DLGAP2: variants seen among roughly 807,000 people sequenced by gnomAD.
DLGAP2 encodes DLG associated protein 2.
DLGAP2 carries 26 observed loss-of-function variants against 100.3 expected under a neutral mutation model. The ratio of observed to expected loss-of-function variants is 0.26; its 90% CI spans 0.19 to 0.36. DLGAP2 has a LOEUF of 0.36. Ranked by LOEUF, DLGAP2 falls within the 10% of genes least tolerant of loss-of-function variation. DLGAP2 has a pLI of 1.00. For synonymous variants in DLGAP2, 886 were observed against 630.1 expected, an observed-to-expected ratio of 1.41 and a Z score of -6.08; for missense variants, 1,858 against 1,453.2, an observed-to-expected ratio of 1.28 and a Z score of -4.53.
chr8:748,241 G>A (rs148324243), intron 1 of DLGAP2, among the ~76,000 whole-genome samples: 163 of 149,606 alleles, frequency 1.1e-3, no homozygotes, highest in Non-Finnish European at 1.8e-3. Flanking sequence ...GGGATGGGCG[G>A]GTCTGCGGTG....
intron 3 of DLGAP2, among the ~76,000 whole-genome samples, chr8:1,387,058 A>T (rs12680701): frequency 6.6e-6 from 1 of 152,034 alleles, no homozygotes; most frequent in Non-Finnish European, 1.5e-5. Context: ...AAAGAGGGGA[A>T]CTAGATAACG....
intron 3 of DLGAP2, among the ~76,000 whole-genome samples, chr8:1,268,117 A>C (rs1799505723): frequency 6.6e-6 from 1 of 152,192 alleles, no homozygotes; most frequent in African/African-American, 2.4e-5. Flanking sequence ...CTAGTTTGCA[A>C]ATTTCTTTCT....
At chr8:753,613 G>A (rs1820847941) in intron 1 of DLGAP2, 1 of 152,322 alleles carries the variant, frequency 6.6e-6, no homozygotes, top group African/African-American at 2.4e-5. Context: ...ACGGTGGATG[G>A]AGAGGGAGGA....
chr8:1,386,488 CTCCAGAA>C (rs1296282493), intron 3 of DLGAP2, among the ~76,000 whole-genome samples: 1 of 152,196 alleles, frequency 6.6e-6, no homozygotes, highest in Non-Finnish European at 1.5e-5. Context: ...GCAGAATTCC[CTCCAGAA>C]TCCTGGAGAA....
intron 4 of DLGAP2, among the ~76,000 whole-genome samples, chr8:1,537,263 G>A (rs1029753250): frequency 5.9e-5 from 9 of 152,184 alleles, no homozygotes; most frequent in South Asian, 2.1e-4. Flanking sequence ...GTTTGTGCAT[G>A]TGCATAATCA....
chr8:1,198,848 C>T (rs1182529391), intron 2 of DLGAP2, among the ~76,000 whole-genome samples: 1 of 152,228 alleles, frequency 6.6e-6, no homozygotes, highest in Admixed American at 6.5e-5. Flanking sequence ...TTGGTCTTGG[C>T]TGGGGGTTAG....
rs141643693 is a variant in DLGAP2, at chr8:1,112,610, A to G, written c.74-146241A>G. ...TGTTTAAGTTCCTTATAGATACTGGATATGAGACCTTTGTCAGATGCGTAG... is the reference window on the plus strand; with the variant it reads ...TGTTTAAGTTCCTTATAGATACTGGGTATGAGACCTTTGTCAGATGCGTAG... On this transcript the variant is annotated intron_variant, in intron 2 of 14. Coordinates refer to ENST00000637795, the MANE Select transcript of DLGAP2 (RefSeq NM_001346810.2). Among the ~76,000 whole-genome samples, 900 of 152,292 alleles carry G rather than the reference A, an allele frequency of 5.9e-3. 2 individuals are homozygous for G. Among genetic ancestry groups the G allele is most frequent in the Non-Finnish European group, 9.4e-3 (641 of 68,034 alleles).
At chr8:851,922 C>T (rs1248584716) in intron 1 of DLGAP2, among the ~76,000 whole-genome samples, 1 of 152,158 alleles carries the variant, frequency 6.6e-6, no homozygotes, top group East Asian at 1.9e-4. Context: ...ATTATTACTC[C>T]TCTCTTATTA....
chr8:1,003,553 G>T (rs935919610), intron 2 of DLGAP2, among the ~76,000 whole-genome samples: 3 of 152,250 alleles, frequency 2.0e-5, no homozygotes, highest in African/African-American at 7.2e-5. Flanking sequence ...TTAGTAAGCA[G>T]TGAGCATTGG....
At chr8:1,181,575 A>G (rs1240671598) in intron 2 of DLGAP2, among the ~76,000 whole-genome samples, 1 of 152,002 alleles carries the variant, frequency 6.6e-6, no homozygotes, top group Non-Finnish European at 1.5e-5. Context: ...TCAGGAATTA[A>G]CTAATGGGTA....
At chr8:962,143 C>T (rs1369517875) in intron 2 of DLGAP2, among the ~76,000 whole-genome samples, 1 of 152,258 alleles carries the variant, frequency 6.6e-6, no homozygotes, top group African/African-American at 2.4e-5. Flanking sequence ...TTGGATGGCT[C>T]ATTTTCTTAT....
chr8:1,530,921 C>G (rs1043187322), intron 4 of DLGAP2, among the ~76,000 whole-genome samples: 1 of 152,168 alleles, frequency 6.6e-6, no homozygotes, highest in Admixed American at 6.5e-5. Context: ...GTGATCTGGT[C>G]TATCAGGAAT....
At chr8:1,354,402 A>C (rs190221372) in intron 3 of DLGAP2, among the ~76,000 whole-genome samples, 1 of 152,140 alleles carries the variant, frequency 6.6e-6, no homozygotes, top group Non-Finnish European at 1.5e-5. Context: ...AGTCCCAGCT[A>C]CTCGGGAGAC....
At chr8:1,154,998 C>T (rs557935803) in intron 2 of DLGAP2, among the ~76,000 whole-genome samples, 35 of 152,322 alleles carry the variant, frequency 2.3e-4, no homozygotes, top group Middle Eastern at 3.4e-3. Flanking sequence ...CGGGCCTTGT[C>T]CCTCCCTCCC....
intron 13 of DLGAP2, among the ~76,000 whole-genome samples, chr8:1,696,222 C>T (rs1799395276): frequency 6.6e-6 from 1 of 152,218 alleles, no homozygotes; most frequent in Admixed American, 6.5e-5. Context: ...AGGGAGCAAG[C>T]CGGGCACGGT....
chr8:1,130,767 G>T lies in DLGAP2; in HGVS notation c.74-128084G>T, dbSNP rs78827915. On this transcript the variant is annotated intron_variant, in intron 2 of 14. Coordinates refer to ENST00000637795, the MANE Select transcript of DLGAP2 (RefSeq NM_001346810.2). ...TGATGTTTGGTGCAGTCATCTTTGC[G>T]GGAAAATGGAAGTGTGGCACAGCAC... Among the ~76,000 whole-genome samples the T allele has an allele frequency of 2.4e-3, 370 of 152,324 alleles. 1 individual carries two copies. The highest frequency in any genetic ancestry group is 7.7e-3 in the African/African-American group (320 of 41,572).
chr8:1,169,673 GCT>G (rs1395210260), intron 2 of DLGAP2, among the ~76,000 whole-genome samples: 1 of 151,756 alleles, frequency 6.6e-6, no homozygotes, highest in African/African-American at 2.4e-5. Context: ...TCATGGTTTG[GCT>G]CTCTGTTTGT....
At chr8:1,027,436 C>T (rs113660214) in intron 2 of DLGAP2, among the ~76,000 whole-genome samples, 1,355 of 116,234 alleles carry the variant, frequency 0.012, 24 homozygotes, top group African/African-American at 0.042. Context: ...TCTCCAGGTG[C>T]GGTGCCAGGC....
At chr8:1,354,268 G>A (rs543036198) in intron 3 of DLGAP2, among the ~76,000 whole-genome samples, 1 of 152,330 alleles carries the variant, frequency 6.6e-6, no homozygotes, top group Admixed American at 6.5e-5. Flanking sequence ...CACTTTGGGA[G>A]GCCAAGACGG....
Sources: gnomAD v4.1 joint callset for allele counts (sites outside exome capture counted in the v4.1 genomes callset) on GRCh38, gnomAD v4.1.1 for gene constraint, MANE v1.5 for transcripts, NCBI Gene and HGNC (gene_info 2026-07-23, HGNC 2026-07-21) for gene names.